Variants in KAZN observed in about 807,000 individuals in gnomAD.
KAZN encodes kazrin, periplakin interacting protein.
A neutral mutation model predicts 87.4 loss-of-function variants in KAZN; 40 were observed. That is an observed-to-expected ratio of 0.46 (90% CI 0.36 to 0.60). KAZN has a LOEUF of 0.60. Among genes scored for constraint, KAZN ranks in the 20% least tolerant of loss-of-function variants. KAZN has a pLI of 0.00. For missense variants in KAZN, 898 were observed against 1,073.9 expected (o/e 0.84, Z 2.29); for synonymous variants, 466 against 458.3 (o/e 1.02, Z -0.22).
chr1:14,169,391 C>A (rs1645901535), intron 1 of KAZN, among the ~76,000 whole-genome samples: 1 of 152,126 alleles, frequency 6.6e-6, no homozygotes, highest in Non-Finnish European at 1.5e-5. Context: ...ATGTGGCTGT[C>A]CATTCCAGCA....
intron 1 of KAZN, among the ~76,000 whole-genome samples, chr1:13,966,700 G>A (rs901843646): frequency 4.6e-5 from 7 of 152,298 alleles, no homozygotes; most frequent in Middle Eastern, 3.4e-3. Context: ...GAGATGTGCC[G>A]TAAGTGTAAA....
intron 1 of KAZN, among the ~76,000 whole-genome samples, chr1:14,675,232 G>A (rs542713956): frequency 8.1e-4 from 124 of 152,300 alleles, no homozygotes; most frequent in Non-Finnish European, 1.6e-3. Context: ...AGGGCAGCAG[G>A]ATGGGGTTGT....
At chr1:14,102,578 T>A (rs1427607692) in intron 1 of KAZN, among the ~76,000 whole-genome samples, 4 of 152,190 alleles carry the variant, frequency 2.6e-5, no homozygotes, top group African/African-American at 9.7e-5. Context: ...ATGCAGCCCC[T>A]CCTGGTGGCA....
intron 2 of KAZN, among the ~76,000 whole-genome samples, chr1:14,315,607 A>G (rs1254528554): frequency 1.3e-5 from 2 of 151,976 alleles, no homozygotes; most frequent in African/African-American, 4.8e-5. Flanking sequence ...AACACTATAG[A>G]CCAAATTTGT....
At chr1:14,592,021 C>T (rs542836586) in intron 2 of KAZN, among the ~76,000 whole-genome samples, 39 of 152,260 alleles carry the variant, frequency 2.6e-4, no homozygotes, top group Non-Finnish European at 5.1e-4. Flanking sequence ...CACTTCTCTA[C>T]GGCTCTGTTC....
At chr1:13,946,264 C>T (rs1641142775) in intron 1 of KAZN, among the ~76,000 whole-genome samples, 2 of 152,134 alleles carry the variant, frequency 1.3e-5, no homozygotes. Flanking sequence ...ACACAGCTGC[C>T]TTCTAAAGCA....
intron 1 of KAZN, among the ~76,000 whole-genome samples, chr1:14,013,053 C>A (rs1347427128): frequency 6.6e-6 from 1 of 152,174 alleles, no homozygotes. Flanking sequence ...TTCCCTGTGA[C>A]AGCTCTTCAG....
intron 1 of KAZN, among the ~76,000 whole-genome samples, chr1:14,916,822 A>T (rs1475496221): frequency 6.6e-6 from 1 of 152,010 alleles, no homozygotes; most frequent in African/African-American, 2.4e-5. Flanking sequence ...ACTGAGGCAG[A>T]AGGATTGCTT....
intron 10 of KAZN, among the ~76,000 whole-genome samples, chr1:15,097,040 C>A (rs1640835941): frequency 6.6e-6 from 1 of 152,204 alleles, no homozygotes. Flanking sequence ...TTTGAGTTTT[C>A]TACTCCCAGT....
At chr1:14,336,547 C>A (rs896511383) in intron 2 of KAZN, among the ~76,000 whole-genome samples, 1 of 152,232 alleles carries the variant, frequency 6.6e-6, no homozygotes, top group Non-Finnish European at 1.5e-5. Flanking sequence ...CTCCTTTTCA[C>A]AGCAGCTGCA....
At chr1:14,338,857 T>C (rs1329070751) in intron 2 of KAZN, among the ~76,000 whole-genome samples, 1 of 152,218 alleles carries the variant, frequency 6.6e-6, no homozygotes, top group African/African-American at 2.4e-5. Flanking sequence ...TTGAGTTTTA[T>C]GTTGCTCGTA....
chr1:14,604,368 C>T (rs1677201610), intron 1 of KAZN, among the ~76,000 whole-genome samples: 1 of 152,178 alleles, frequency 6.6e-6, no homozygotes, highest in Non-Finnish European at 1.5e-5. Flanking sequence ...TCTGCTGACC[C>T]CTGTCACCAC....
chr1:14,727,156 G>T (rs950664151), intron 1 of KAZN, among the ~76,000 whole-genome samples: 2 of 151,868 alleles, frequency 1.3e-5, no homozygotes, highest in Non-Finnish European at 2.9e-5. Flanking sequence ...AATTTTCCCC[G>T]AAAAAGTGTT....
chr1:14,959,864 T>A lies in KAZN; in HGVS notation c.227-820T>A, dbSNP rs1198853136. On this transcript the variant is annotated intron_variant, in intron 1 of 14. Coordinates refer to ENST00000376030, the MANE Select transcript of KAZN (RefSeq NM_201628.3). ...ACCTTGGTTGACACGGCTCTCACTT[T>A]GGGAGGATGGCGCACCTTCTGGGTC... Among the ~76,000 whole-genome samples, 4 of 152,270 alleles carry A rather than the reference T, an allele frequency of 2.6e-5. No individual in the cohort carries two copies. In the East Asian group the frequency reaches 7.7e-4, roughly 29 times the overall value.
chr1:15,098,454 G>A (rs184943158), intron 10 of KAZN, among the ~76,000 whole-genome samples: 13 of 152,220 alleles, frequency 8.5e-5, no homozygotes, highest in Admixed American at 3.3e-4. Context: ...TTATGGATGG[G>A]CCCCTCTCGA....
chr1:14,811,335 A>G (rs1646403565), intron 1 of KAZN, among the ~76,000 whole-genome samples: 1 of 152,256 alleles, frequency 6.6e-6, no homozygotes, highest in Non-Finnish European at 1.5e-5. Context: ...ATCTCATTCA[A>G]ACTCACAAGT....
intron 1 of KAZN, among the ~76,000 whole-genome samples, chr1:14,952,280 C>T (rs1379152345): frequency 9.1e-6 from 1 of 109,400 alleles, no homozygotes. Flanking sequence ...GTGTGTGTCT[C>T]AAGCAAACAC....
intron 1 of KAZN, among the ~76,000 whole-genome samples, chr1:14,036,138 A>T (rs780721334): frequency 2.0e-5 from 3 of 152,236 alleles, no homozygotes; most frequent in Non-Finnish European, 4.4e-5. Context: ...AGGAGGCACA[A>T]AAGTGCACCT....
At chr1:14,596,243 CAG>C (rs1676500059), upstream of KAZN, among the ~76,000 whole-genome samples, 1 of 152,108 alleles carries the variant, frequency 6.6e-6, no homozygotes, top group South Asian at 2.1e-4. Context: ...GACATATAAA[CAG>C]ATAAATTACT....
Sources: allele counts gnomAD v4.1 joint callset (sites outside exome capture counted in the v4.1 genomes callset), GRCh38; gene constraint gnomAD v4.1.1; transcripts MANE v1.5; gene names NCBI Gene and HGNC (gene_info 2026-07-23, HGNC 2026-07-21).